GTPBP4: variants seen among roughly 807,000 people sequenced by gnomAD.
GTPBP4 encodes GTP-binding protein 4.
Under a neutral mutation model 81.7 loss-of-function variants are expected in GTPBP4, and 15 were observed. The ratio of observed to expected loss-of-function variants is 0.18; its 90% confidence interval spans 0.12 to 0.28. The LOEUF is 0.28. Among genes scored for constraint, GTPBP4 ranks in the 10% least tolerant of loss-of-function variants. The pLI is 1.00. For missense variants in GTPBP4, 847 were observed against 793.8 expected (o/e 1.07, Z -0.81); for synonymous variants, 272 against 274.6 (o/e 0.99, Z 0.09).
At chr10:1,011,553 C>T (rs1436592318) in intron 13 of GTPBP4, among the ~76,000 whole-genome samples, 1 of 152,184 alleles carries the variant, frequency 6.6e-6, no homozygotes, top group Non-Finnish European at 1.5e-5. Context: ...CTGGAACATT[C>T]TTTTTATACA....
At position 1,017,112 on chromosome 10, in the gene GTPBP4, A is replaced by G. The variant is rs1373100557; in HGVS notation, c.1790A>G (p.Gln597Arg). 3.7e-6 allele frequency: 6 copies of G among 1,614,006 alleles called. No individual in the cohort carries two copies. The highest frequency in any genetic ancestry group is 2.2e-5 in the South Asian group (2 of 91,080). The change falls in exon 17 of 17, where the codon CAG becomes CGG. Residue 597 changes from glutamine (Q) to arginine (R), a missense_variant. By Grantham distance (43) the Gln-to-Arg change is conservative. Transcript: ENST00000360803. ...KKAKTMMKNA[Q>R]KKMNRLGKKG... is the part of the protein sequence containing the mutation. The stretch of plus-strand genomic sequence containing the variant: ...GCCAAGACTATGATGAAGAATGCTC[A>G]GAAGAAGATGAATCGGTTGGGGAAG...
intron 1 of GTPBP4, 93 bp downstream of exon 1, chr10:988,620 C>T (rs1831384178): frequency 1.1e-6 from 1 of 945,212 alleles, no homozygotes; most frequent in Admixed American, 1.9e-5. Context: ...GGAGAGCGGT[C>T]GCCTTCCGCT....
In GTPBP4 at chr10:996,139, T is replaced by C. The variant is rs563988969; in HGVS notation, c.357T>C (p.Tyr119=). The C allele has an allele frequency of 1.7e-5, 27 of 1,611,384 alleles. No individual in the cohort carries two copies. The South Asian group carries it at 3.0e-4, about 18-fold the overall frequency. ...AAGATTATGTGCGACTGATGAAGTA[T>C]GGCGACTCTCTCTACCGCTGCAAAC... ...VAKDYVRLMK[Y]GDSLYRCKQL... Residue 119 remains tyrosine, a synonymous_variant, in exon 4 of 17, where the codon TAT becomes TAC. Coordinates refer to ENST00000360803, the MANE Select transcript of GTPBP4 (RefSeq NM_012341.3).
rs779953150 is a variant in GTPBP4 at position 999,087 on chromosome 10, C to A, written c.646C>A (p.Arg216Ser). Residue 216 changes from arginine (R) to serine (S), a missense_variant, in exon 6 of 17, where the codon CGT becomes AGT. Coordinates refer to ENST00000360803, the MANE Select transcript of GTPBP4 (RefSeq NM_012341.3). The stretch of plus-strand genomic sequence containing the variant: ...TGGGCACATGGATTATAAGTATCTA[C>A]GTTGGCAGGTGAGAGTCTTGTCTTT... The part of the protein sequence containing the change: ...FVGHMDYKYL[R>S]WQVVDTPGIL... The A allele has an allele frequency of 1.3e-6, 2 of 1,549,258 alleles. No homozygotes were observed. Among genetic ancestry groups the A allele is most frequent in the Non-Finnish European group, 1.8e-6 (2 of 1,120,788 alleles).
intron 1 of GTPBP4, 85 bp from the exon 2 acceptor site, chr10:992,399 CAAAAA>C (rs545128429): frequency 3.7e-4 from 212 of 571,678 alleles, no homozygotes; most frequent in Admixed American, 7.1e-4. Flanking sequence ...GACTCTGTCT[CAAAAA>C]AAAAAAAAAA....
At chr10:1,011,004 C>CA (rs1564470748) in intron 13 of GTPBP4, among the ~76,000 whole-genome samples, 130 of 123,978 alleles carry the variant, frequency 1.0e-3, no homozygotes, top group Non-Finnish European at 1.4e-3. Flanking sequence ...CCACCTTCCC[C>CA]CCCACCCTGT....
intron 13 of GTPBP4, among the ~76,000 whole-genome samples, chr10:1,010,840 C>T (rs1296446470): frequency 3.9e-5 from 2 of 51,582 alleles, no homozygotes; most frequent in East Asian, 1.2e-3. Flanking sequence ...CTTCCCTGTC[C>T]CGACACTGGT....
chr10:1,003,079 T>G (rs1186904061), intron 8 of GTPBP4, among the ~76,000 whole-genome samples: 1 of 152,224 alleles, frequency 6.6e-6, no homozygotes, highest in Non-Finnish European at 1.5e-5. Flanking sequence ...CCCATAAATC[T>G]TATAGGCTTC....
In GTPBP4 at chr10:1,017,467, C is replaced by A. The variant is rs1188934578; in HGVS notation, c.*240C>A. ...TCCACATTTAATGGAGTATCAGTTG[C>A]TTCAGATTTTCAGAACTGGGAAGAT... On this transcript the variant is annotated 3_prime_UTR_variant, in exon 17 of 17. Coordinates refer to ENST00000360803, the MANE Select transcript of GTPBP4 (RefSeq NM_012341.3). 6 of 361,624 alleles carry A rather than the reference C, an allele frequency of 1.7e-5. No individual in the cohort carries two copies. Among genetic ancestry groups the A allele is most frequent in the Non-Finnish European group, 3.0e-5 (6 of 202,598 alleles). 22.4% of individuals were successfully genotyped at this position (361,624 alleles called of 1,614,324 possible). A position where few individuals can be genotyped will look rare whatever the true frequency, so the allele number is the denominator to read the frequency against.
At chr10:1,014,353 C>T (rs753671119) in intron 15 of GTPBP4, 41 bp downstream of exon 15, 10 of 1,423,334 alleles carry the variant, frequency 7.0e-6, no homozygotes, top group Admixed American at 1.7e-5. Flanking sequence ...TGGCTGGATA[C>T]ACCTTTTTAA....
chr10:991,772 T>A (rs75243177), intron 1 of GTPBP4, among the ~76,000 whole-genome samples: 17,765 of 141,300 alleles, frequency 0.13, 1,454 homozygotes, highest in Non-Finnish European at 0.19. Context: ...CTCGGCTCAC[T>A]GCAAGCTCCG....
intron 5 of GTPBP4, among the ~76,000 whole-genome samples, chr10:998,434 G>A (rs1262781530): frequency 6.6e-6 from 1 of 152,110 alleles, no homozygotes; most frequent in Non-Finnish European, 1.5e-5. Flanking sequence ...AGATTTGTGA[G>A]TTTTATTTTG....
chr10:992,582 A>C lies in GTPBP4; in HGVS notation c.142A>C (p.Met48Leu), dbSNP rs201677153. 42 of 1,599,746 alleles carry C rather than the reference A, an allele frequency of 2.6e-5. No homozygotes were observed. Among genetic ancestry groups the C allele is most frequent in the Non-Finnish European group, 5.1e-6 (6 of 1,167,308 alleles). The change falls in exon 2 of 17, where the codon ATG (methionine) becomes CTG (leucine). Residue 48 changes from methionine (M) to leucine (L), a missense_variant. Transcript: ENST00000360803. ...AATACATCGCATTAGACATTTTTAC[A>C]TGAGAAAAGTCAAATTTACTCAACA... ...YQIHRIRHFY[M>L]RKVKFTQQNY...
chr10:1,016,055 G>A (rs1176744765), intron 16 of GTPBP4, among the ~76,000 whole-genome samples, 159 bp downstream of exon 16: 2 of 152,180 alleles, frequency 1.3e-5, no homozygotes, highest in Admixed American at 1.3e-4. Flanking sequence ...AGGAGAGCAC[G>A]GGTCAGGGTG....
intron 5 of GTPBP4, among the ~76,000 whole-genome samples, chr10:997,685 G>A (rs1355682356): frequency 6.6e-6 from 1 of 152,246 alleles, no homozygotes; most frequent in Non-Finnish European, 1.5e-5. Flanking sequence ...GTTTTCTTGG[G>A]TGTTGTTGGC....
intron 5 of GTPBP4, among the ~76,000 whole-genome samples, chr10:998,235 G>T (rs997250398): frequency 6.6e-6 from 1 of 152,000 alleles, no homozygotes; most frequent in Non-Finnish European, 1.5e-5. Context: ...AAGTAGCTGG[G>T]ACCACAGGTG....
intron 2 of GTPBP4, among the ~76,000 whole-genome samples, chr10:995,629 G>A (rs1226037344): frequency 6.6e-6 from 1 of 152,186 alleles, no homozygotes; most frequent in African/African-American, 2.4e-5. Flanking sequence ...AATTTCTAGT[G>A]CTGAGTTCCT....
intron 13 of GTPBP4, 98 bp downstream of exon 13, chr10:1,010,618 G>C (rs749568275): frequency 2.7e-6 from 2 of 753,550 alleles, no homozygotes; most frequent in Non-Finnish European, 4.9e-6. Context: ...GGGCCTGTCC[G>C]CTTCATTCTG....
intron 14 of GTPBP4, 60 bp from the exon 15 acceptor site, chr10:1,014,187 G>GT: frequency 2.7e-6 from 3 of 1,104,468 alleles, no homozygotes; most frequent in African/African-American, 1.5e-5. Flanking sequence ...TTGCCTTGAA[G>GT]TTTTTTTCAA....
Sources: gnomAD v4.1 joint callset for allele counts (sites outside exome capture counted in the v4.1 genomes callset) on GRCh38, gnomAD v4.1.1 for gene constraint, MANE v1.5 for transcripts, NCBI Gene and HGNC (gene_info 2026-07-23, HGNC 2026-07-21) for gene names.